Variants in KIF21A observed in about 807,000 individuals in gnomAD.
KIF21A encodes kinesin family member 21A.
A neutral mutation model predicts 202.9 loss-of-function variants in KIF21A; 114 were observed. That is an observed-to-expected ratio of 0.56 (90% CI 0.48 to 0.66). The LOEUF is 0.66. Ranked by LOEUF, KIF21A falls within the 30% of genes least tolerant of loss-of-function variation. The probability of loss-of-function intolerance (pLI) is 0.00; values close to 1 mark genes in which losing one functional copy is unlikely to be tolerated. For missense variants in KIF21A, 1,677 were observed against 1,994.9 expected (o/e 0.84, Z 3.04); for synonymous variants, 667 against 670.8 (o/e 0.99, Z 0.09).
chr12:39,340,983 T>C lies in KIF21A; in HGVS notation c.2033A>G (p.Tyr678Cys). ...QKRLQTLKKQ[Y>C]EEKLMMLQHK... is the part of the protein sequence containing the mutation. ...TTGCAGCATCATTAGCTTCTCTTCA[T>C]ACTGCTTTTTCAGAGTCTGCAGTCT... is the stretch of plus-strand genomic sequence containing the variant. The change falls in exon 15 of 38, where the codon TAT (tyrosine) becomes TGT (cysteine). Residue 678 changes from tyrosine (Y) to cysteine (C), a missense_variant. By Grantham distance (194) the Tyr-to-Cys change is radical. Transcript: ENST00000361418. 1.2e-6 allele frequency: 2 copies of C among 1,613,314 alleles called. No homozygotes were observed. Among genetic ancestry groups the C allele is most frequent in the Non-Finnish European group, 8.5e-7 (1 of 1,179,490 alleles).
intron 1 of KIF21A, among the ~76,000 whole-genome samples, chr12:39,381,732 C>G (rs1465966022): frequency 6.6e-6 from 1 of 152,180 alleles, no homozygotes; most frequent in Non-Finnish European, 1.5e-5. Context: ...TCCACACTCA[C>G]AATTCCTGCC....
chr12:39,317,526 C>T (rs1309500797), intron 29 of KIF21A, among the ~76,000 whole-genome samples: 2 of 152,192 alleles, frequency 1.3e-5, no homozygotes, highest in East Asian at 1.9e-4. Context: ...ACCCCTGCAA[C>T]CCACTCCCAG....
intron 1 of KIF21A, among the ~76,000 whole-genome samples, chr12:39,372,268 AAT>A (rs1483714169): frequency 1.3e-5 from 2 of 152,204 alleles, no homozygotes; most frequent in African/African-American, 2.4e-5. Context: ...TCATGTAAAT[AAT>A]ATGTCAAGTA....
chr12:39,380,336 T>G (rs1454174555), intron 1 of KIF21A, among the ~76,000 whole-genome samples: 1 of 152,198 alleles, frequency 6.6e-6, no homozygotes, highest in East Asian at 1.9e-4. Flanking sequence ...GAAGTCAATA[T>G]TGACCTAGAA....
chr12:39,436,448 A>ATATATTTT (rs1387332677), intron 1 of KIF21A, among the ~76,000 whole-genome samples: 21 of 95,762 alleles, frequency 2.2e-4, no homozygotes, highest in East Asian at 3.2e-4. Context: ...ATATATATAT[A>ATATATTTT]TTTTTTTTTT....
intron 37 of KIF21A, among the ~76,000 whole-genome samples, chr12:39,295,920 G>A (rs112057449): frequency 5.4e-5 from 8 of 148,916 alleles, no homozygotes; most frequent in Non-Finnish European, 1.2e-4. Flanking sequence ...GGCCAGCCTC[G>A]ATCTCTTGAC....
chr12:39,294,365 C>T lies in KIF21A; in HGVS notation c.*59G>A. ...CCTAGTAAGTACAGGACAACATTTTCCATAAAGAATACAGAGTATTATCAC... is the reference window on the plus strand; with the variant it reads ...CCTAGTAAGTACAGGACAACATTTTTCATAAAGAATACAGAGTATTATCAC... On this transcript the variant is annotated 3_prime_UTR_variant, in exon 38 of 38. Transcript: ENST00000361418. 2 of 1,295,198 alleles carry T rather than the reference C, an allele frequency of 1.5e-6. No homozygotes were observed. Among genetic ancestry groups the T allele is most frequent in the South Asian group, 1.2e-5 (1 of 84,140 alleles). 80.2% of individuals were successfully genotyped at this position (1,295,198 alleles called of 1,614,324 possible).
chr12:39,307,532 A>C lies in KIF21A; in HGVS notation c.4442+33T>G, dbSNP rs140670014. 424 of 1,599,834 alleles carry C rather than the reference A, an allele frequency of 2.7e-4. 1 individual carries two copies. In the African/African-American group the frequency reaches 4.6e-3, roughly 17 times the overall value. ...TAATGTCTGAAGTTGTATTTGCCAT[A>C]GGCAAGAGGTATGTTTTCTTAAAAA... On this transcript the variant is annotated intron_variant, in intron 34 of 37. Transcript: ENST00000361418.
At chr12:39,410,190 C>T (rs1490525409) in intron 1 of KIF21A, among the ~76,000 whole-genome samples, 4 of 152,098 alleles carry the variant, frequency 2.6e-5, no homozygotes, top group Admixed American at 2.0e-4. Flanking sequence ...AATTGCAGCA[C>T]TAGAAGCTAG....
chr12:39,347,778 T>C (rs747498819), intron 11 of KIF21A, among the ~76,000 whole-genome samples: 4 of 152,012 alleles, frequency 2.6e-5, no homozygotes, highest in Non-Finnish European at 5.9e-5. Context: ...TTTCTAGAGT[T>C]TCAACCCAAC....
chr12:39,389,895 C>T (rs1951222733), intron 1 of KIF21A, among the ~76,000 whole-genome samples: 2 of 152,112 alleles, frequency 1.3e-5, no homozygotes. Context: ...CAGCCTATCC[C>T]TCTGCTCCAG....
intron 16 of KIF21A, among the ~76,000 whole-genome samples, chr12:39,339,151 C>T (rs971294002): frequency 1.3e-5 from 2 of 150,338 alleles, no homozygotes; most frequent in Non-Finnish European, 2.9e-5. Flanking sequence ...TGGTGGTGTG[C>T]ACCTATAGTC....
chr12:39,412,245 C>T (rs980864177), intron 1 of KIF21A, among the ~76,000 whole-genome samples: 3 of 152,178 alleles, frequency 2.0e-5, no homozygotes, highest in Non-Finnish European at 4.4e-5. Context: ...TTAATAGACA[C>T]TTGTAAAATC....
chr12:39,306,830 C>A (rs1329500234), intron 34 of KIF21A, among the ~76,000 whole-genome samples: 1 of 152,142 alleles, frequency 6.6e-6, no homozygotes, highest in Non-Finnish European at 1.5e-5. Context: ...AGACCAGCAA[C>A]ATTTGTCTTG....
intron 17 of KIF21A, among the ~76,000 whole-genome samples, chr12:39,335,072 T>C (rs1246012125): frequency 1.3e-5 from 2 of 152,020 alleles, no homozygotes; most frequent in Admixed American, 6.6e-5. Flanking sequence ...AAAAAAAGAA[T>C]GAAGTGCTGA....
rs201016471 is a variant in KIF21A at position 39,370,165 on chromosome 12, C to G, written c.141G>C (p.Lys47Asn). 2.5e-6 allele frequency: 4 copies of G among 1,613,456 alleles called. No individual in the cohort carries two copies. In the East Asian group the frequency reaches 6.7e-5, roughly 27 times the overall value. The change falls in exon 2 of 38, where the codon AAG becomes AAC. Residue 47 changes from lysine to asparagine, a missense_variant. By Grantham distance (94) the Lys-to-Asn change is moderately conservative. Around this residue, in one of 3 missense-constraint regions of KIF21A, gnomAD observed 966 missense variants for 1,180.9 expected, o/e 0.82. Transcript: ENST00000361418. The stretch of plus-strand genomic sequence containing the variant: ...CAAATACATAGTCAAAAGTAAAAGC[C>G]TTATCTTTCCCTAGGAAGACCTGAG... ...GEPQVFLGKD[K>N]AFTFDYVFDI...
intron 27 of KIF21A, among the ~76,000 whole-genome samples, chr12:39,320,959 A>AAAAG (rs1945173215): frequency 3.5e-5 from 5 of 144,004 alleles, no homozygotes; most frequent in South Asian, 4.3e-4. Context: ...AAAAAAAAAA[A>AAAAG]GTCTGGGAAA....
chr12:39,420,304 G>A (rs368183683), intron 1 of KIF21A, among the ~76,000 whole-genome samples: 3 of 152,038 alleles, frequency 2.0e-5, no homozygotes, highest in African/African-American at 7.2e-5. Flanking sequence ...GAGTAAAGAG[G>A]TAACAGGAGC....
rs547032348 is a variant in KIF21A, at chr12:39,412,514, C to G, written c.44+30413G>C. ...GGCAGATCGCTCGAGCTCAGGAGTTCAAGACCAGCCCGGGCAACATGGTGA... is the reference window on the plus strand; with the variant it reads ...GGCAGATCGCTCGAGCTCAGGAGTTGAAGACCAGCCCGGGCAACATGGTGA... On this transcript the variant is annotated intron_variant, in intron 1 of 37. Coordinates refer to ENST00000361418, the MANE Select transcript of KIF21A (RefSeq NM_001173464.2). Among the ~76,000 whole-genome samples the G allele has an allele frequency of 2.0e-5, 3 of 152,200 alleles. No homozygotes were observed. The South Asian group carries it at 6.2e-4, about 32-fold the overall frequency.
Sources: gnomAD v4.1 joint callset for allele counts (sites outside exome capture counted in the v4.1 genomes callset) on GRCh38, gnomAD v4.1.1 for gene constraint, gnomAD v4.1.1 regional missense constraint, MANE v1.5 for transcripts, NCBI Gene and HGNC (gene_info 2026-07-23, HGNC 2026-07-21) for gene names.